METTL4: variants seen among roughly 807,000 people sequenced by gnomAD.
METTL4 encodes the protein N(6)-adenine-specific methyltransferase METTL4.
METTL4 carries 40 observed loss-of-function variants against 54.0 expected under a neutral mutation model. The observed-to-expected ratio is 0.74, with a 90% confidence interval of 0.58 to 0.96. METTL4 has a LOEUF of 0.96. METTL4 is among the 50% of genes least tolerant of loss of function. METTL4 has a pLI of 0.00. For synonymous variants in METTL4, 169 were observed against 183.8 expected (o/e 0.92, Z 0.65); for missense variants, 525 against 549.0 (o/e 0.96, Z 0.44).
In METTL4 at chr18:2,547,458, A is replaced by G; in HGVS notation, c.971T>C (p.Leu324Pro). Residue 324 changes from leucine (L) to proline (P), a missense_variant, in exon 6 of 9, where the codon CTT (leucine) becomes CCT (proline). Transcript: ENST00000574538. ...IPKLAAPNCL[L>P]VTWVTNRQKH... is the part of the protein sequence containing the mutation. ...CTGTCTATTGGTCACCCAAGTAACA[A>G]GAAGACAGTTTGGAGCAGCCAATTT... 1 of 1,612,520 alleles carries G rather than the reference A, an allele frequency of 6.2e-7. No individual in the cohort carries two copies. The highest frequency in any genetic ancestry group is 8.5e-7 in the Non-Finnish European group (1 of 1,179,122).
chr18:2,557,769 G>C lies in METTL4; in HGVS notation c.460-2731C>G, dbSNP rs182529242. ...GGGAGCCTGTGAGCATAAAGCACATGCTGTGCCAGGAGCAGTAAAATCCTT... is the reference window on the plus strand; with the variant it reads ...GGGAGCCTGTGAGCATAAAGCACATCCTGTGCCAGGAGCAGTAAAATCCTT... On this transcript the variant is annotated intron_variant, in intron 3 of 8. Coordinates refer to ENST00000574538, the MANE Select transcript of METTL4 (RefSeq NM_022840.5). Among the ~76,000 whole-genome samples the C allele has an allele frequency of 1.7e-4, 26 of 152,322 alleles. No homozygotes were observed. The East Asian group carries it at 4.0e-3, about 24-fold the overall frequency.
rs1228347206 is a variant in METTL4 at position 2,552,675 on chromosome 18, A to G, written c.899+20T>C. ...GGACTACAGTTTTTTTAGAAAGCAA[A>G]TGCTTTCATTTCCACTTACCTATTA... On this transcript the variant is annotated intron_variant, in intron 5 of 8. Transcript: ENST00000574538. 2 of 1,571,698 alleles carry G rather than the reference A, an allele frequency of 1.3e-6. No homozygotes were observed. The highest frequency in any genetic ancestry group is 4.5e-5 in the East Asian group (2 of 44,576).
intron 3 of METTL4, among the ~76,000 whole-genome samples, chr18:2,560,542 C>G (rs1433560233): frequency 1.3e-5 from 2 of 152,058 alleles, no homozygotes; most frequent in East Asian, 1.9e-4. Context: ...TATATCAGAC[C>G]AATCTCTCTT....
Position 2,547,412 on chromosome 18 carries a change from CT to C in METTL4, c.1016del (p.Lys339ArgfsTer12). 1 of 1,611,190 alleles carries C rather than the reference CT, an allele frequency of 6.2e-7. No individual in the cohort carries two copies. Among genetic ancestry groups the C allele is most frequent in the Non-Finnish European group, 8.5e-7 (1 of 1,178,670 alleles). On this transcript the variant is annotated frameshift_variant, in exon 6 of 9. Coordinates refer to ENST00000574538, the MANE Select transcript of METTL4 (RefSeq NM_022840.5). LOFTEE classifies it high-confidence loss of function. Reference sequence around the variant, plus strand: ...CAGACCAAGAGGGATAAAGTTCTTCCTTTATAAAACGTAGGTGCTTCTGTCT... The same window carrying C: ...CAGACCAAGAGGGATAAAGTTCTTCCTTATAAAACGTAGGTGCTTCTGTCT... ...TNRQKHLRFIKEELYPSWSVE... is the reference protein window; with the variant it reads ...TNRQKHLRFIXEELYPSWSVE...
In METTL4 at chr18:2,539,344, A is replaced by C. The variant is rs137873299; in HGVS notation, c.1274-199T>G. On this transcript the variant is annotated intron_variant, in intron 8 of 8. Coordinates refer to ENST00000574538, the MANE Select transcript of METTL4 (RefSeq NM_022840.5). ...ATAAGTACCCTTGAGACTGGGAACA[A>C]TATCATCTGAACTTCCATAGTCCTG... is the stretch of plus-strand genomic sequence containing the variant. Among the ~76,000 whole-genome samples, 1,354 of 152,300 alleles carry C rather than the reference A, an allele frequency of 8.9e-3. 12 individuals carry two copies. Among genetic ancestry groups the C allele is most frequent in the Non-Finnish European group, 0.012 (846 of 68,016 alleles).
At chr18:2,539,897 A>AAAT (rs1255276001) in intron 8 of METTL4, 2 of 951,372 alleles carry the variant, frequency 2.1e-6, no homozygotes, top group Non-Finnish European at 2.5e-6. Context: ...AACTTTAATA[A>AAAT]AATAATAATA....
intron 4 of METTL4, 165 bp downstream of exon 4, chr18:2,554,504 A>T: frequency 1.6e-6 from 1 of 609,470 alleles, no homozygotes; most frequent in Non-Finnish European, 2.8e-6. Context: ...AAAAAAAGCA[A>T]AAGTCAGCAC....
At chr18:2,565,729 C>A (rs2072400166) in intron 2 of METTL4, among the ~76,000 whole-genome samples, 1 of 152,062 alleles carries the variant, frequency 6.6e-6, no homozygotes, top group African/African-American at 2.4e-5. Flanking sequence ...ATAGAAAGAG[C>A]TCAAACGTTT....
chr18:2,563,780 G>T lies in METTL4; in HGVS notation c.459+17C>A. On this transcript the variant is annotated intron_variant, in intron 3 of 8. Coordinates refer to ENST00000574538, the MANE Select transcript of METTL4 (RefSeq NM_022840.5). Reference sequence around the variant, plus strand: ...ACATTAATCTTCCAATGTGATCAATGAACATTTTACACTTACCTTTGTATG... The same window carrying T: ...ACATTAATCTTCCAATGTGATCAATTAACATTTTACACTTACCTTTGTATG... The T allele has an allele frequency of 1.3e-6, 2 of 1,561,766 alleles. No individual in the cohort carries two copies. The highest frequency in any genetic ancestry group is 2.4e-5 in the South Asian group (2 of 84,578).
At chr18:2,564,137 C>T (rs552571831) in intron 2 of METTL4, among the ~76,000 whole-genome samples, 3 of 152,144 alleles carry the variant, frequency 2.0e-5, no homozygotes, top group Admixed American at 6.5e-5. Flanking sequence ...GGCACGGTGG[C>T]TCACGCCTGT....
chr18:2,566,727 A>G lies in METTL4; in HGVS notation c.396+94T>C, dbSNP rs147389712. The G allele has an allele frequency of 8.9e-5, 93 of 1,050,578 alleles. No individual in the cohort carries two copies. The African/African-American group carries it at 1.4e-3, about 15-fold the overall frequency. The allele number at this position is 1,050,578 out of a possible 1,614,324, so 65.1% of individuals were successfully genotyped here. Reference sequence around the variant, plus strand: ...TTTTGGGTTTTACTGATTCTTCTTTATACTTAACGAATCACCAGATATTTA... The same window carrying G: ...TTTTGGGTTTTACTGATTCTTCTTTGTACTTAACGAATCACCAGATATTTA... On this transcript the variant is annotated intron_variant, in intron 2 of 8. Transcript: ENST00000574538.
At chr18:2,570,148 C>T (rs1232115319) in intron 1 of METTL4, among the ~76,000 whole-genome samples, 1 of 152,202 alleles carries the variant, frequency 6.6e-6, no homozygotes, top group Non-Finnish European at 1.5e-5. Flanking sequence ...ACAGGGCTCA[C>T]ATGTGATCAT....
At chr18:2,558,805 T>A (rs561671487) in intron 3 of METTL4, among the ~76,000 whole-genome samples, 6 of 151,924 alleles carry the variant, frequency 3.9e-5, no homozygotes, top group South Asian at 4.1e-4. Context: ...GCCCAGAAGA[T>A]GAACAAAGGA....
Position 2,538,866 on chromosome 18 carries a change from C to G in METTL4, c.*134G>C, listed in dbSNP as rs899076548. The G allele has an allele frequency of 1.2e-6, 1 of 853,534 alleles. No homozygotes were observed. The highest frequency in any genetic ancestry group is 1.8e-6 in the Non-Finnish European group (1 of 555,858). 52.9% of individuals were successfully genotyped at this position (853,534 alleles called of 1,614,324 possible). On this transcript the variant is annotated 3_prime_UTR_variant, in exon 9 of 9. Transcript: ENST00000574538. The stretch of plus-strand genomic sequence containing the variant: ...TACATGAAGGCTAGTCACTTCTGGT[C>G]CCTTACTGAAAAAAACAAGTCCTGT...
chr18:2,566,138 C>G (rs903954656), intron 2 of METTL4, among the ~76,000 whole-genome samples: 5 of 151,186 alleles, frequency 3.3e-5, no homozygotes, highest in African/African-American at 1.2e-4. Flanking sequence ...ATGCTGATAT[C>G]AGATATCTAA....
chr18:2,565,199 A>C (rs7245223), intron 2 of METTL4, among the ~76,000 whole-genome samples: 23,940 of 152,032 alleles, frequency 0.16, 2,232 homozygotes, highest in South Asian at 0.27. Context: ...GAATTGCTTG[A>C]ACCTGAGAGG....
chr18:2,542,983 G>T (rs1020894677), intron 8 of METTL4, among the ~76,000 whole-genome samples: 9 of 151,802 alleles, frequency 5.9e-5, no homozygotes, highest in Non-Finnish European at 1.2e-4. Context: ...TAAAAATTAG[G>T]CATGGTGGCA....
chr18:2,561,577 G>A (rs1047161043), intron 3 of METTL4: 19 of 152,124 alleles, frequency 1.2e-4, no homozygotes, highest in African/African-American at 3.4e-4. Context: ...ATTTATATGG[G>A]GAAAGAAAAC....
intron 8 of METTL4, chr18:2,540,455 G>C: frequency 1.0e-6 from 1 of 983,870 alleles, no homozygotes; most frequent in Non-Finnish European, 1.2e-6. Flanking sequence ...AATATTTTAG[G>C]TTTCATCATG....
Sources: allele counts gnomAD v4.1 joint callset (sites outside exome capture counted in the v4.1 genomes callset), GRCh38; gene constraint gnomAD v4.1.1; transcripts MANE v1.5; gene names NCBI Gene and HGNC (gene_info 2026-07-23, HGNC 2026-07-21).